NID1: variants seen among roughly 807,000 people sequenced by gnomAD.
NID1 encodes nidogen 1, also known as nidogen-1.
NID1 carries 76 observed loss-of-function variants against 130.6 expected under a neutral mutation model. That is an observed-to-expected ratio of 0.58 (90% confidence interval 0.48 to 0.70). The LOEUF is 0.70. Among genes scored for constraint, NID1 ranks in the 30% least tolerant of loss-of-function variants. The pLI, the probability that NID1 is intolerant of heterozygous loss-of-function variation, is 0.00. For missense variants in NID1, 1,517 were observed against 1,664.8 expected, an observed-to-expected ratio of 0.91 and a Z score of 1.54; for synonymous variants, 665 against 675.1, an observed-to-expected ratio of 0.98 and a Z score of 0.23.
At chr1:236,012,558 C>CAAAAAAA (rs56183830) in intron 11 of NID1, among the ~76,000 whole-genome samples, 16 of 98,064 alleles carry the variant, frequency 1.6e-4, no homozygotes, top group Non-Finnish European at 2.3e-4. Flanking sequence ...AATGCCATCT[C>CAAAAAAA]AAAAAAAAAA....
At chr1:236,017,390 T>C in intron 9 of NID1, 117 bp from the exon 10 acceptor site, 4 of 665,596 alleles carry the variant, frequency 6.0e-6, no homozygotes, top group South Asian at 3.5e-5. Flanking sequence ...CAAAATTTTC[T>C]TTTTTTTTTT....
chr1:235,990,848 G>A (rs1422206345), intron 14 of NID1, 38 bp downstream of exon 14: 5 of 1,610,680 alleles, frequency 3.1e-6, no homozygotes, highest in Admixed American at 1.7e-5. Flanking sequence ...GGTCACTGAA[G>A]CAGGAGCTGT....
At chr1:236,060,286 G>T (rs1194840029) in intron 1 of NID1, among the ~76,000 whole-genome samples, 1 of 152,050 alleles carries the variant, frequency 6.6e-6, no homozygotes, top group Non-Finnish European at 1.5e-5. Context: ...AAGTGTCATG[G>T]TGCTGGTGAG....
At chr1:236,032,909 C>T (rs1265813783) in intron 5 of NID1, among the ~76,000 whole-genome samples, 1 of 152,148 alleles carries the variant, frequency 6.6e-6, no homozygotes, top group African/African-American at 2.4e-5. Context: ...GCTGTCTCCA[C>T]GGACAGCCAT....
chr1:236,046,300 C>A (rs72765457), intron 2 of NID1, among the ~76,000 whole-genome samples: 1,939 of 152,274 alleles, frequency 0.013, 26 homozygotes, highest in African/African-American at 0.033. Flanking sequence ...CAGGCACATG[C>A]CGGGCGCGGT....
At chr1:236,057,184 G>A (rs556442601) in intron 1 of NID1, among the ~76,000 whole-genome samples, 15 of 152,218 alleles carry the variant, frequency 9.9e-5, no homozygotes, top group Non-Finnish European at 1.9e-4. Flanking sequence ...GCTTGAACCC[G>A]GGAGGTGGAG....
chr1:235,993,479 G>T (rs1657822238), intron 13 of NID1, among the ~76,000 whole-genome samples, 166 bp downstream of exon 13: 4 of 152,212 alleles, frequency 2.6e-5, no homozygotes, highest in Admixed American at 1.3e-4. Flanking sequence ...GGGGAGGAGC[G>T]GGGTAAGTGA....
At chr1:236,043,614 T>A (rs572543074) in intron 3 of NID1, among the ~76,000 whole-genome samples, 3 of 151,954 alleles carry the variant, frequency 2.0e-5, no homozygotes, top group Non-Finnish European at 4.4e-5. Context: ...CTGGCTAACA[T>A]GGTGAAACCC....
chr1:236,049,784 A>C (rs1009768753), intron 1 of NID1, among the ~76,000 whole-genome samples: 2 of 151,888 alleles, frequency 1.3e-5, no homozygotes, highest in African/African-American at 4.8e-5. Flanking sequence ...TCACACCTGT[A>C]ATCTCAGCAC....
intron 7 of NID1, among the ~76,000 whole-genome samples, chr1:236,028,503 G>A (rs1020645293): frequency 4.4e-4 from 67 of 151,900 alleles, no homozygotes; most frequent in African/African-American, 1.4e-3. Flanking sequence ...GTGAGGGCTC[G>A]TCTCAAAACA....
chr1:236,052,636 G>A lies in NID1; in HGVS notation c.226-3647C>T, dbSNP rs78014692. ...AAATCTATTCCCTGCTGGAGCCACC[G>A]TCTGTGTGGGGTGTCCGTGTTCTCC... is the stretch of plus-strand genomic sequence containing the variant. On this transcript the variant is annotated intron_variant, in intron 1 of 19. Coordinates refer to ENST00000264187, the MANE Select transcript of NID1 (RefSeq NM_002508.3). 3.3e-3 allele frequency among the ~76,000 whole-genome samples: 502 copies of A among 152,284 alleles called. 4 individuals are homozygous for A. The highest frequency in any genetic ancestry group is 0.011 in the African/African-American group (474 of 41,566).
rs374962500 is a variant in NID1 at position 236,047,110 on chromosome 1, C to CAAAACA, written c.526-1433_526-1428dup. Among the ~76,000 whole-genome samples, 275 of 151,948 alleles carry CAAAACA rather than the reference C, an allele frequency of 1.8e-3. 1 individual carries two copies. The highest frequency in any genetic ancestry group is 6.8e-3 in the Middle Eastern group (2 of 294). On this transcript the variant is annotated intron_variant, in intron 2 of 19. Coordinates refer to ENST00000264187, the MANE Select transcript of NID1 (RefSeq NM_002508.3). ...TGGGTGACAGAGCAAGACTCTGTCTCAAAACAAAAACAAAAACAAAAACAA... is the reference window on the plus strand; with the variant it reads ...TGGGTGACAGAGCAAGACTCTGTCTCAAAACAAAAACAAAAACAAAAACAAAAACAA...
Position 236,048,775 on chromosome 1 carries a change from A to G in NID1, c.440T>C (p.Phe147Ser). 1 of 1,613,914 alleles carries G rather than the reference A, an allele frequency of 6.2e-7. No individual in the cohort carries two copies. Among genetic ancestry groups the G allele is most frequent in the Non-Finnish European group, 8.5e-7 (1 of 1,180,008 alleles). ...CVHRGFPEIS[F>S]QPSSAVVVTW... is the part of the protein sequence containing the mutation. ...GACAACCACCGCGCTACTAGGCTGG[A>G]AAGAGATCTCCGGGAACCCTCTGTG... The change falls in exon 2 of 20, where the codon TTC becomes TCC. Residue 147 changes from phenylalanine to serine, a missense_variant. Phe to Ser is a radical substitution (Grantham distance 155). Transcript: ENST00000264187.
At chr1:236,046,607 A>G (rs533263113) in intron 2 of NID1, among the ~76,000 whole-genome samples, 2 of 148,470 alleles carry the variant, frequency 1.3e-5, no homozygotes, top group South Asian at 4.3e-4. Context: ...TACTGCGGAT[A>G]AAAAAAAAAG....
At chr1:236,046,784 G>A (rs1168318182) in intron 2 of NID1, among the ~76,000 whole-genome samples, 1 of 152,202 alleles carries the variant, frequency 6.6e-6, no homozygotes, top group Non-Finnish European at 1.5e-5. Context: ...TAACATTTAA[G>A]CTGTTTTCAA....
chr1:235,993,771 C>G lies in NID1; in HGVS notation c.2629G>C (p.Glu877Gln), dbSNP rs761253131. The change falls in exon 13 of 20, where the codon GAG (glutamate) becomes CAG (glutamine). Residue 877 changes from glutamate (E) to glutamine (Q), a missense_variant. Glu to Gln is a conservative substitution (Grantham distance 29, BLOSUM62 2). Transcript: ENST00000264187. Reference protein sequence around the residue: ...RPIPPGLFVPECDAHGHYAPT... With the variant: ...RPIPPGLFVPQCDAHGHYAPT... ...GCGTAGTGCCCGTGCGCATCGCACT[C>G]AGGAACGAACAGCCCCGGAGGAATG... 1.2e-6 allele frequency: 2 copies of G among 1,614,126 alleles called. No homozygotes were observed. The highest frequency in any genetic ancestry group is 1.7e-6 in the Non-Finnish European group (2 of 1,180,022).
chr1:236,032,772 G>A (rs747135731), intron 5 of NID1, 120 bp from the exon 6 acceptor site: 11 of 1,331,492 alleles, frequency 8.3e-6, no homozygotes, highest in Non-Finnish European at 1.1e-5. Context: ...ACAGCACTGG[G>A]GTCAATGGCT....
At chr1:236,064,178 C>A (rs552177057) in intron 1 of NID1, among the ~76,000 whole-genome samples, 1 of 152,302 alleles carries the variant, frequency 6.6e-6, no homozygotes, top group East Asian at 1.9e-4. Context: ...CGGCCAGTCA[C>A]GGGGAGGATC....
At chr1:236,047,586 A>C (rs1009086249) in intron 2 of NID1, among the ~76,000 whole-genome samples, 19 of 151,882 alleles carry the variant, frequency 1.3e-4, no homozygotes, top group African/African-American at 4.6e-4. Context: ...GGTTATGACA[A>C]TACTTGGGTT....
Sources: gnomAD v4.1 joint callset for allele counts (sites outside exome capture counted in the v4.1 genomes callset) on GRCh38, gnomAD v4.1.1 for gene constraint, MANE v1.5 for transcripts, NCBI Gene and HGNC (gene_info 2026-07-23, HGNC 2026-07-21) for gene names.